The following DGLUCY variants were observed in gnomAD, a reference collection of about 807,000 sequenced individuals.
The protein encoded by DGLUCY is D-glutamate cyclase, mitochondrial.
A neutral mutation model predicts 58.5 loss-of-function variants in DGLUCY; 58 were observed. That is an observed-to-expected ratio of 0.99 (90% CI 0.80 to 1.23). The LOEUF (loss-of-function observed/expected upper bound fraction) is 1.23, where lower values mean the gene tolerates loss of function less well. Among genes scored for constraint, DGLUCY ranks in the 50% most tolerant of loss-of-function variants. The probability of loss-of-function intolerance (pLI) is 0.00; values close to 1 mark genes in which losing one functional copy is unlikely to be tolerated. For missense variants in DGLUCY, 779 were observed against 784.7 expected, an observed-to-expected ratio of 0.99 and a Z score of 0.09; for synonymous variants, 325 against 314.1, an observed-to-expected ratio of 1.03 and a Z score of -0.37.
intron 1 of DGLUCY, among the ~76,000 whole-genome samples, chr14:91,146,042 T>C (rs905745569): frequency 6.6e-6 from 1 of 152,074 alleles, no homozygotes; most frequent in Non-Finnish European, 1.5e-5. Flanking sequence ...TAGCTAATTT[T>C]TGTATATTTT....
chr14:91,073,065 T>C (rs758521503), intron 1 of DGLUCY, among the ~76,000 whole-genome samples: 7 of 152,074 alleles, frequency 4.6e-5, no homozygotes, highest in Non-Finnish European at 7.4e-5. Flanking sequence ...AAGGATAAGA[T>C]GGAAGATGGC....
chr14:91,199,641 T>G, intron 10 of DGLUCY, 116 bp from the exon 11 acceptor site: 1 of 1,208,834 alleles, frequency 8.3e-7, no homozygotes, highest in Non-Finnish European at 1.2e-6. Flanking sequence ...TCTGCAGGAA[T>G]GAAGGAATCA....
intron 10 of DGLUCY, among the ~76,000 whole-genome samples, chr14:91,197,460 G>A (rs1040177408): frequency 6.6e-6 from 1 of 152,140 alleles, no homozygotes; most frequent in African/African-American, 2.4e-5. Context: ...CACTCACATT[G>A]CTGTACAGCC....
At chr14:91,223,729 C>T (rs1279879470) in intron 13 of DGLUCY, 2 of 1,284,070 alleles carry the variant, frequency 1.6e-6, no homozygotes, top group African/African-American at 1.5e-5. Flanking sequence ...CCTAGCCCTG[C>T]CAATAAAATC....
chr14:91,202,026 G>A (rs1247583865), intron 11 of DGLUCY, among the ~76,000 whole-genome samples: 1 of 124,976 alleles, frequency 8.0e-6, no homozygotes, highest in East Asian at 2.5e-4. Context: ...CTGCACTCCA[G>A]CCTGGGCGAC....
At chr14:91,151,300 C>T (rs9323857) in intron 1 of DGLUCY, among the ~76,000 whole-genome samples, 57,791 of 151,766 alleles carry the variant, frequency 0.38, 11,274 homozygotes, top group African/African-American at 0.42. Context: ...TGTGCAGTGG[C>T]GTGATCTCGG....
chr14:91,124,161 C>T (rs1479164334), intron 1 of DGLUCY, among the ~76,000 whole-genome samples: 5 of 151,644 alleles, frequency 3.3e-5, no homozygotes, highest in Non-Finnish European at 5.9e-5. Flanking sequence ...CTCCTGACCT[C>T]GTGATCCACC....
At chr14:91,199,975 T>A in intron 11 of DGLUCY, 70 bp downstream of exon 11, 1 of 1,575,944 alleles carries the variant, frequency 6.3e-7, no homozygotes, top group Non-Finnish European at 8.7e-7. Context: ...TTGTTGTTGT[T>A]ATGGAGTCTT....
At chr14:91,205,593 T>G (rs1884433165) in intron 12 of DGLUCY, among the ~76,000 whole-genome samples, 1 of 152,202 alleles carries the variant, frequency 6.6e-6, no homozygotes, top group South Asian at 2.1e-4. Context: ...TATGAGAGTT[T>G]AAAACTCCAG....
chr14:91,204,803 G>A lies in DGLUCY; in HGVS notation c.1542G>A (p.Glu514=), dbSNP rs1024249370. ...RHGDVIACDV[E]ADFAVIAGVS... The stretch of plus-strand genomic sequence containing the variant: ...GGGATGTCATCGCCTGCGACGTGGA[G>A]GCTGACTTTGCCGTCATTGCTGGTG... The change falls in exon 12 of 14, where the codon GAG becomes GAA. Residue 514 remains glutamate (E), a synonymous_variant. Coordinates refer to ENST00000256324, the MANE Select transcript of DGLUCY (RefSeq NM_001102368.3). The A allele has an allele frequency of 1.6e-5, 26 of 1,614,002 alleles. No individual in the cohort carries two copies. The African/African-American group carries it at 2.7e-4, about 17-fold the overall frequency.
intron 1 of DGLUCY, among the ~76,000 whole-genome samples, chr14:91,154,448 T>C (rs1398109120): frequency 1.3e-5 from 2 of 152,188 alleles, no homozygotes; most frequent in Non-Finnish European, 2.9e-5. Flanking sequence ...CTATTCTTTG[T>C]CGGGCACCCA....
intron 11 of DGLUCY, among the ~76,000 whole-genome samples, chr14:91,200,252 G>T (rs2050470170): frequency 6.6e-6 from 1 of 152,168 alleles, no homozygotes; most frequent in South Asian, 2.1e-4. Context: ...ACTGTGCTCA[G>T]CCTAAGTGTG....
At chr14:91,116,268 C>T (rs2140116120) in intron 1 of DGLUCY, among the ~76,000 whole-genome samples, 1 of 152,316 alleles carries the variant, frequency 6.6e-6, no homozygotes, top group East Asian at 1.9e-4. Context: ...TTACAGCTTT[C>T]AAAGCATTTC....
intron 13 of DGLUCY, among the ~76,000 whole-genome samples, chr14:91,218,810 TG>T (rs1040669603): frequency 2.0e-5 from 3 of 151,962 alleles, no homozygotes; most frequent in Non-Finnish European, 4.4e-5. Context: ...TCACCCTGGG[TG>T]GGGGACTCAG....
intron 1 of DGLUCY, among the ~76,000 whole-genome samples, chr14:91,108,366 GT>G (rs2044626869): frequency 6.6e-6 from 1 of 151,958 alleles, no homozygotes; most frequent in African/African-American, 2.4e-5. Context: ...CTTTGCACTA[GT>G]TTCACCCTAG....
At chr14:91,118,869 G>T (rs916884572) in intron 1 of DGLUCY, among the ~76,000 whole-genome samples, 1 of 152,242 alleles carries the variant, frequency 6.6e-6, no homozygotes, top group East Asian at 1.9e-4. Flanking sequence ...TGTAATCCCA[G>T]CACTTTGTGA....
intron 11 of DGLUCY, among the ~76,000 whole-genome samples, chr14:91,203,866 A>G (rs1410737323): frequency 6.6e-6 from 1 of 152,080 alleles, no homozygotes; most frequent in Non-Finnish European, 1.5e-5. Flanking sequence ...TAGTAGAGGC[A>G]AGGTTTTGCC....
Position 91,088,862 on chromosome 14 carries a change from C to T in DGLUCY, c.-82+28158C>T, listed in dbSNP as rs549060345. Among the ~76,000 whole-genome samples the T allele has an allele frequency of 7.2e-5, 11 of 152,316 alleles. No individual in the cohort carries two copies. In the South Asian group the frequency reaches 2.1e-3, roughly 29 times the overall value. Reference sequence around the variant, plus strand: ...AGCATCTATCTTTCCTTGGGGACCCCGCCCTCCCAAGCAAGGAAGTTCCTT... The same window carrying T: ...AGCATCTATCTTTCCTTGGGGACCCTGCCCTCCCAAGCAAGGAAGTTCCTT... On this transcript the variant is annotated intron_variant, in intron 1 of 4. Transcript: ENST00000521334.
At chr14:91,137,287 C>T (rs1463350673) in intron 1 of DGLUCY, among the ~76,000 whole-genome samples, 1 of 152,036 alleles carries the variant, frequency 6.6e-6, no homozygotes, top group Middle Eastern at 3.2e-3. Context: ...TCAGATTCTT[C>T]TTGGTCTCTC....
Sources: gnomAD v4.1 joint callset for allele counts (sites outside exome capture counted in the v4.1 genomes callset) on GRCh38, gnomAD v4.1.1 for gene constraint, MANE v1.5 for transcripts, NCBI Gene and HGNC (gene_info 2026-07-23, HGNC 2026-07-21) for gene names.